NCAM2: variants seen among roughly 807,000 people sequenced by gnomAD.
NCAM2 encodes neural cell adhesion molecule 2.
NCAM2 carries 30 observed loss-of-function variants against 98.1 expected under a neutral mutation model. The observed-to-expected ratio is 0.31, with a 90% CI of 0.23 to 0.41. The LOEUF is 0.41. NCAM2 is among the 10% of genes least tolerant of loss of function. NCAM2 has a pLI of 1.00. For synonymous variants in NCAM2, 368 were observed against 342.4 expected (o/e 1.07, Z -0.83); for missense variants, 867 against 1,005.8 (o/e 0.86, Z 1.87).
chr21:21,348,690 A>G (rs915538082), intron 8 of NCAM2, among the ~76,000 whole-genome samples: 2 of 152,162 alleles, frequency 1.3e-5, no homozygotes, highest in African/African-American at 4.8e-5. Flanking sequence ...AAATGATACT[A>G]TAGAGCTATA....
intron 15 of NCAM2, among the ~76,000 whole-genome samples, chr21:21,494,952 G>A (rs1441124000): frequency 6.7e-6 from 1 of 149,330 alleles, no homozygotes; most frequent in Admixed American, 6.7e-5. Flanking sequence ...TTTTTCTTAT[G>A]TTAAAATCAG....
intron 1 of NCAM2, among the ~76,000 whole-genome samples, chr21:21,087,070 G>GTA (rs1733424193): frequency 6.7e-6 from 1 of 149,822 alleles, no homozygotes; most frequent in Non-Finnish European, 1.5e-5. Flanking sequence ...AAGATTATGT[G>GTA]TGTGTGTGCG....
chr21:21,241,806 T>G (rs2071078252), intron 1 of NCAM2, among the ~76,000 whole-genome samples: 1 of 152,176 alleles, frequency 6.6e-6, no homozygotes. Flanking sequence ...CATTTTGGTT[T>G]TGATCGATAA....
chr21:21,385,764 A>G, intron 9 of NCAM2: 1 of 499,786 alleles, frequency 2.0e-6, no homozygotes, highest in East Asian at 1.5e-4. Flanking sequence ...GTTACATAGT[A>G]TGTTTGATTA....
At chr21:21,315,304 G>C (rs2074187803) in intron 5 of NCAM2, among the ~76,000 whole-genome samples, 1 of 152,168 alleles carries the variant, frequency 6.6e-6, no homozygotes, top group Non-Finnish European at 1.5e-5. Context: ...TCAGGACAGA[G>C]CTCAAGATTT....
At chr21:21,513,706 G>A (rs1988533415) in intron 16 of NCAM2, among the ~76,000 whole-genome samples, 1 of 151,998 alleles carries the variant, frequency 6.6e-6, no homozygotes, top group Non-Finnish European at 1.5e-5. Context: ...TGTTTATTAG[G>A]TCCATTTGGT....
At chr21:21,453,085 T>G (rs915794952) in intron 12 of NCAM2, among the ~76,000 whole-genome samples, 16 of 128,200 alleles carry the variant, frequency 1.2e-4, no homozygotes, top group African/African-American at 4.8e-4. Context: ...TATTATATAT[T>G]TAATATATTA....
At chr21:21,271,626 G>C (rs1446858041) in intron 1 of NCAM2, among the ~76,000 whole-genome samples, 1 of 152,118 alleles carries the variant, frequency 6.6e-6, no homozygotes, top group Non-Finnish European at 1.5e-5. Context: ...AGGCTATTTG[G>C]AGTACTATTT....
chr21:21,396,969 C>T (rs1429283930), intron 9 of NCAM2, among the ~76,000 whole-genome samples: 2 of 152,184 alleles, frequency 1.3e-5, no homozygotes, highest in Non-Finnish European at 2.9e-5. Flanking sequence ...CGCCATTCTG[C>T]AGATCCTGAG....
chr21:21,199,096 T>C (rs138535791), intron 1 of NCAM2, among the ~76,000 whole-genome samples: 55 of 152,350 alleles, frequency 3.6e-4, no homozygotes, highest in African/African-American at 1.2e-3. Context: ...GTGACCACTC[T>C]ACATTTCGAT....
chr21:21,256,455 G>A (rs1156348134), intron 1 of NCAM2, among the ~76,000 whole-genome samples: 2 of 152,168 alleles, frequency 1.3e-5, no homozygotes, highest in Non-Finnish European at 2.9e-5. Context: ...GCCTGTAGAT[G>A]TTTATTATTT....
chr21:21,318,195 AT>A (rs754109657), intron 5 of NCAM2, among the ~76,000 whole-genome samples: 1 of 152,210 alleles, frequency 6.6e-6, no homozygotes, highest in Non-Finnish European at 1.5e-5. Context: ...TAACTGTAGA[AT>A]ATACGCTGAA....
intron 11 of NCAM2, 84 bp downstream of exon 11, chr21:21,418,653 T>C: frequency 1.0e-6 from 1 of 984,492 alleles, no homozygotes; most frequent in Non-Finnish European, 1.6e-6. Context: ...GTGGTCTCAT[T>C]TACATGTGGG....
chr21:21,137,730 C>G (rs1262325956), intron 1 of NCAM2, among the ~76,000 whole-genome samples: 1 of 152,068 alleles, frequency 6.6e-6, no homozygotes, highest in Admixed American at 6.6e-5. Context: ...TGCACTCAAG[C>G]CTAGGCAAGA....
intron 5 of NCAM2, among the ~76,000 whole-genome samples, chr21:21,312,743 GA>G (rs879382420): frequency 3.3e-5 from 5 of 151,856 alleles, no homozygotes; most frequent in Admixed American, 1.3e-4. Flanking sequence ...AAAATGGGTT[GA>G]AAAACATTCC....
intron 1 of NCAM2, among the ~76,000 whole-genome samples, chr21:21,240,834 C>T (rs2071036797): frequency 6.6e-6 from 1 of 152,040 alleles, no homozygotes; most frequent in African/African-American, 2.4e-5. Context: ...CCTCTGAAAA[C>T]AATGGGGATA....
chr21:21,249,527 T>A (rs1332672030), intron 1 of NCAM2, among the ~76,000 whole-genome samples: 1 of 152,188 alleles, frequency 6.6e-6, no homozygotes, highest in Non-Finnish European at 1.5e-5. Flanking sequence ...GAAATTTGGA[T>A]GTGTCTTACA....
At chr21:21,293,422 C>T (rs1185295330) in intron 5 of NCAM2, among the ~76,000 whole-genome samples, 2 of 151,548 alleles carry the variant, frequency 1.3e-5, no homozygotes, top group African/African-American at 2.4e-5. Flanking sequence ...AAAATCAAAA[C>T]GACTTTTCAT....
At chr21:21,246,670 A>G (rs935146699) in intron 1 of NCAM2, among the ~76,000 whole-genome samples, 2 of 152,192 alleles carry the variant, frequency 1.3e-5, no homozygotes, top group Admixed American at 6.5e-5. Context: ...GATATTCTTA[A>G]TAATCACATT....
Sources: allele counts gnomAD v4.1 joint callset (sites outside exome capture counted in the v4.1 genomes callset), GRCh38; gene constraint gnomAD v4.1.1; transcripts MANE v1.5; gene names NCBI Gene and HGNC (gene_info 2026-07-23, HGNC 2026-07-21).